The following GNA14 variants were observed in gnomAD, a reference collection of about 807,000 sequenced individuals.
GNA14 encodes guanine nucleotide-binding protein subunit alpha-14.
In GNA14, 50 loss-of-function variants were observed where a neutral mutation model predicts 42.0. The observed-to-expected ratio is 1.19, with a 90% CI of 0.95 to 1.51. The LOEUF is 1.51. GNA14 is among the 40% of genes most tolerant of loss of function. The probability of loss-of-function intolerance (pLI) is 0.00; values close to 1 mark genes in which losing one functional copy is unlikely to be tolerated. For synonymous variants in GNA14, 173 were observed against 163.1 expected, an observed-to-expected ratio of 1.06 and a Z score of -0.46; for missense variants, 473 against 446.2, an observed-to-expected ratio of 1.06 and a Z score of -0.54.
chr9:77,522,635 C>A (rs113308817), intron 2 of GNA14, among the ~76,000 whole-genome samples: 1 of 152,142 alleles, frequency 6.6e-6, no homozygotes, highest in Non-Finnish European at 1.5e-5. Flanking sequence ...CAGTGGTTCT[C>A]GACCCTGGCT....
At chr9:77,625,397 A>T (rs764381581) in intron 1 of GNA14, among the ~76,000 whole-genome samples, 9 of 152,116 alleles carry the variant, frequency 5.9e-5, no homozygotes, top group Non-Finnish European at 1.2e-4. Context: ...AATACAGAGA[A>T]CACAACAAAG....
intron 1 of GNA14, among the ~76,000 whole-genome samples, chr9:77,634,732 A>G (rs1392515631): frequency 6.6e-6 from 1 of 152,188 alleles, no homozygotes; most frequent in Admixed American, 6.5e-5. Context: ...ACAAACAAAA[A>G]AGACTTTCAG....
chr9:77,570,571 C>T (rs1202767420), intron 1 of GNA14, among the ~76,000 whole-genome samples: 1 of 152,116 alleles, frequency 6.6e-6, no homozygotes, highest in African/African-American at 2.4e-5. Flanking sequence ...TGCATCAGTA[C>T]TTCATTTTTT....
At chr9:77,633,661 G>A (rs7864216) in intron 1 of GNA14, among the ~76,000 whole-genome samples, 19,427 of 151,716 alleles carry the variant, frequency 0.13, 1,461 homozygotes, top group South Asian at 0.24. Context: ...GGCAAGAAGC[G>A]GGCACAGCAG....
At chr9:77,592,923 T>C (rs560393484) in intron 1 of GNA14, among the ~76,000 whole-genome samples, 2 of 152,132 alleles carry the variant, frequency 1.3e-5, no homozygotes, top group Non-Finnish European at 2.9e-5. Context: ...AAAACAGGTA[T>C]GTAATCATGG....
At chr9:77,576,332 T>C (rs1434758003) in intron 1 of GNA14, among the ~76,000 whole-genome samples, 1 of 152,230 alleles carries the variant, frequency 6.6e-6, no homozygotes, top group Non-Finnish European at 1.5e-5. Context: ...TTTTTATTTT[T>C]AGCTGATGAT....
rs545252846 is a variant in GNA14, at chr9:77,476,833, G to C, written c.310-42311C>G. ...GGGAGAAACCCAAAAGAAGTCAGTGGGTTCATACCTGGGAACATTTCAAGG... is the reference window on the plus strand; with the variant it reads ...GGGAGAAACCCAAAAGAAGTCAGTGCGTTCATACCTGGGAACATTTCAAGG... On this transcript the variant is annotated intron_variant, in intron 2 of 6. Coordinates refer to ENST00000341700, the MANE Select transcript of GNA14 (RefSeq NM_004297.4). Among the ~76,000 whole-genome samples, 10 of 152,272 alleles carry C rather than the reference G, an allele frequency of 6.6e-5. No homozygotes were observed. The East Asian group carries it at 1.9e-3, about 29-fold the overall frequency.
chr9:77,433,410 A>G (rs1371637608), intron 3 of GNA14, among the ~76,000 whole-genome samples: 1 of 151,910 alleles, frequency 6.6e-6, no homozygotes, highest in Non-Finnish European at 1.5e-5. Context: ...TTTTTGAGAC[A>G]GAGTCTCACT....
At chr9:77,515,971 A>AAAAAAAAAAAAAAAAAAAAAAAAC (rs1554693936) in intron 2 of GNA14, among the ~76,000 whole-genome samples, 8 of 147,200 alleles carry the variant, frequency 5.4e-5, no homozygotes, top group South Asian at 2.2e-4. Context: ...AAAAAAAAAA[A>AAAAAAAAAAAAAAAAAAAAAAAAC]AAAAAAAAAA....
At chr9:77,500,652 C>A (rs1299846928) in intron 2 of GNA14, among the ~76,000 whole-genome samples, 1 of 152,162 alleles carries the variant, frequency 6.6e-6, no homozygotes, top group African/African-American at 2.4e-5. Context: ...ATCTATTCTC[C>A]CTTTCTGTAA....
chr9:77,633,378 T>C (rs1382402668), intron 1 of GNA14, among the ~76,000 whole-genome samples: 2 of 152,072 alleles, frequency 1.3e-5, no homozygotes, highest in Admixed American at 6.6e-5. Flanking sequence ...GTCTGGCCCG[T>C]TGAAGATTCT....
chr9:77,429,299 G>A (rs973589776), intron 4 of GNA14, among the ~76,000 whole-genome samples: 5 of 152,138 alleles, frequency 3.3e-5, no homozygotes, highest in Admixed American at 1.3e-4. Flanking sequence ...CTGCCGGTTA[G>A]GAAGCTAACC....
chr9:77,627,859 C>T (rs1397950762), intron 1 of GNA14, among the ~76,000 whole-genome samples: 1 of 152,104 alleles, frequency 6.6e-6, no homozygotes, highest in Non-Finnish European at 1.5e-5. Context: ...TCTCACCACC[C>T]CTATTCAACA....
At chr9:77,594,913 G>A (rs1264307678) in intron 1 of GNA14, among the ~76,000 whole-genome samples, 1 of 152,202 alleles carries the variant, frequency 6.6e-6, no homozygotes, top group Non-Finnish European at 1.5e-5. Flanking sequence ...TGTTGTCTAG[G>A]AACACTGTGG....
At chr9:77,520,051 T>G (rs2061552769) in intron 2 of GNA14, among the ~76,000 whole-genome samples, 2 of 152,098 alleles carry the variant, frequency 1.3e-5, no homozygotes, top group African/African-American at 4.8e-5. Flanking sequence ...ACTTCACCAC[T>G]ATGCAACATA....
At chr9:77,571,864 AATG>A (rs1419057858) in intron 1 of GNA14, among the ~76,000 whole-genome samples, 2 of 152,198 alleles carry the variant, frequency 1.3e-5, no homozygotes, top group Admixed American at 6.5e-5. Flanking sequence ...TGTATGTTGA[AATG>A]ATAATTTTTT....
chr9:77,434,602 C>G, intron 2 of GNA14, 80 bp from the exon 3 acceptor site: 1 of 1,286,510 alleles, frequency 7.8e-7, no homozygotes, highest in Non-Finnish European at 1.1e-6. Context: ...AAGTCTTGCC[C>G]TGGTCTGTGG....
chr9:77,591,918 GTT>G (rs10663673), intron 1 of GNA14, among the ~76,000 whole-genome samples: 4 of 140,274 alleles, frequency 2.9e-5, no homozygotes, highest in Non-Finnish European at 4.6e-5. Flanking sequence ...TTGTTTTTTG[GTT>G]TTTTTTTTTT....
chr9:77,639,703 C>A (rs756740440), intron 1 of GNA14, among the ~76,000 whole-genome samples: 6 of 152,248 alleles, frequency 3.9e-5, no homozygotes, highest in Non-Finnish European at 7.3e-5. Context: ...CTAGCATTTG[C>A]TATGTCCAGA....
Sources: gnomAD v4.1 joint callset for allele counts (sites outside exome capture counted in the v4.1 genomes callset) on GRCh38, gnomAD v4.1.1 for gene constraint, MANE v1.5 for transcripts, NCBI Gene and HGNC (gene_info 2026-07-23, HGNC 2026-07-21) for gene names.